The following PPP2R5E variants were observed in gnomAD, a reference collection of about 807,000 sequenced individuals.
PPP2R5E encodes the protein serine/threonine-protein phosphatase 2A 56 kDa regulatory subunit epsilon isoform.
A neutral mutation model predicts 65.3 loss-of-function variants in PPP2R5E; 4 were observed. The observed-to-expected ratio is 0.06, with a 90% CI of 0.03 to 0.14. The LOEUF (loss-of-function observed/expected upper bound fraction) is 0.14, where lower values mean the gene tolerates loss of function less well. Ranked by LOEUF, PPP2R5E falls within the 10% of genes least tolerant of loss-of-function variation. PPP2R5E has a pLI of 1.00. For synonymous variants in PPP2R5E, 183 were observed against 187.4 expected (o/e 0.98, Z 0.19); for missense variants, 274 against 556.1 (o/e 0.49, Z 5.10).
intron 2 of PPP2R5E, among the ~76,000 whole-genome samples, chr14:63,519,704 G>A (rs1892813166): frequency 6.8e-6 from 1 of 147,206 alleles, no homozygotes; most frequent in African/African-American, 2.5e-5. Context: ...CTCTGTTACC[G>A]AGGCTGGAGT....
At chr14:63,392,926 C>T (rs773203107) in intron 8 of PPP2R5E, among the ~76,000 whole-genome samples, 1 of 152,048 alleles carries the variant, frequency 6.6e-6, no homozygotes, top group Non-Finnish European at 1.5e-5. Context: ...ACATGGTGAC[C>T]ATGCAAGGCA....
intron 2 of PPP2R5E, among the ~76,000 whole-genome samples, chr14:63,534,718 CG>C (rs573010003): frequency 6.6e-6 from 1 of 152,178 alleles, no homozygotes; most frequent in South Asian, 2.1e-4. Flanking sequence ...CTCCTGGGCT[CG>C]GGCAATCCTT....
At chr14:63,540,812 C>T (rs1374448026) in intron 1 of PPP2R5E, among the ~76,000 whole-genome samples, 3 of 151,850 alleles carry the variant, frequency 2.0e-5, no homozygotes, top group Admixed American at 6.6e-5. Context: ...TTAAGTATCA[C>T]GGAAACAATA....
intron 5 of PPP2R5E, among the ~76,000 whole-genome samples, chr14:63,414,494 G>C: frequency 6.6e-6 from 1 of 152,232 alleles, no homozygotes; most frequent in South Asian, 2.1e-4. Context: ...AACAACAGGA[G>C]CAAGGAAGTG....
In PPP2R5E at chr14:63,373,879, G is replaced by C. The variant is rs1883828778; in HGVS notation, c.*2130C>G. On this transcript the variant is annotated 3_prime_UTR_variant, in exon 14 of 14. Transcript: ENST00000337537. ...GAAACTAAAGGGCTAAAATGACAAG[G>C]GCTAAAAAGGAGAAGATTTGTTACA... 1 of 151,136 alleles carries C rather than the reference G, an allele frequency of 6.6e-6. No homozygotes were observed. Among genetic ancestry groups the C allele is most frequent in the Non-Finnish European group, 1.5e-5 (1 of 67,774 alleles). 9.4% of individuals were successfully genotyped at this position (151,136 alleles called of 1,614,324 possible).
At chr14:63,385,721 G>C (rs1238863910) in intron 11 of PPP2R5E, among the ~76,000 whole-genome samples, 1 of 152,126 alleles carries the variant, frequency 6.6e-6, no homozygotes, top group African/African-American at 2.4e-5. Flanking sequence ...TGAGGACACA[G>C]AGACTCAGGG....
chr14:63,524,355 G>A (rs761232866), intron 2 of PPP2R5E, among the ~76,000 whole-genome samples: 106 of 152,280 alleles, frequency 7.0e-4, no homozygotes, highest in Non-Finnish European at 1.2e-3. Context: ...AGAGAGATGA[G>A]GGAACGCATA....
chr14:63,536,334 C>A (rs1893666690), intron 2 of PPP2R5E, among the ~76,000 whole-genome samples: 1 of 152,090 alleles, frequency 6.6e-6, no homozygotes, highest in African/African-American at 2.4e-5. Flanking sequence ...ACTGAAATAC[C>A]ACTTCATACC....
chr14:63,457,577 T>G (rs1889190959), intron 2 of PPP2R5E, among the ~76,000 whole-genome samples: 3 of 152,112 alleles, frequency 2.0e-5, no homozygotes, highest in Non-Finnish European at 4.4e-5. Flanking sequence ...CATCTTAGAA[T>G]CCCAAAGCAG....
intron 2 of PPP2R5E, among the ~76,000 whole-genome samples, chr14:63,514,503 A>AC (rs1350193416): frequency 2.0e-4 from 30 of 152,042 alleles, no homozygotes; most frequent in Non-Finnish European, 3.1e-4. Flanking sequence ...TCTTCATTAA[A>AC]AAAAAAAGAG....
chr14:63,474,673 CAAAAAAAAAAAA>C (rs1157357885), intron 2 of PPP2R5E, among the ~76,000 whole-genome samples: 7 of 27,730 alleles, frequency 2.5e-4, no homozygotes, highest in Admixed American at 7.1e-4. Context: ...TACCCCATCT[CAAAAAAAAAAAA>C]AAAAAAAAAA....
At chr14:63,531,432 C>T (rs185337817) in intron 2 of PPP2R5E, among the ~76,000 whole-genome samples, 1 of 151,384 alleles carries the variant, frequency 6.6e-6, no homozygotes, top group Non-Finnish European at 1.5e-5. Flanking sequence ...CAAACCTGCA[C>T]GTTGTGCACA....
At chr14:63,516,283 G>A (rs1892668722) in intron 2 of PPP2R5E, among the ~76,000 whole-genome samples, 2 of 152,112 alleles carry the variant, frequency 1.3e-5, no homozygotes, top group Admixed American at 6.6e-5. Flanking sequence ...AGAAATGAGT[G>A]TTTTGGACAC....
At chr14:63,384,242 G>A (rs944004492) in intron 12 of PPP2R5E, among the ~76,000 whole-genome samples, 1 of 152,154 alleles carries the variant, frequency 6.6e-6, no homozygotes, top group African/African-American at 2.4e-5. Context: ...CAAGAAGCCT[G>A]TCTAGTAAAC....
chr14:63,453,436 C>A, intron 3 of PPP2R5E: 1 of 276,254 alleles, frequency 3.6e-6, no homozygotes, highest in Non-Finnish European at 6.7e-6. Flanking sequence ...CAGTAATACC[C>A]TGGCAATCTT....
At chr14:63,416,592 G>A (rs749847096) in intron 4 of PPP2R5E, among the ~76,000 whole-genome samples, 2 of 150,960 alleles carry the variant, frequency 1.3e-5, no homozygotes, top group Non-Finnish European at 2.9e-5. Flanking sequence ...TTGTTTATAT[G>A]AGATATATAT....
chr14:63,519,507 A>ATTTTTTTTTTTT (rs557285871), intron 2 of PPP2R5E, among the ~76,000 whole-genome samples: 2 of 124,310 alleles, frequency 1.6e-5, no homozygotes, highest in African/African-American at 3.3e-5. Flanking sequence ...TGCCCAGCTA[A>ATTTTTTTTTTTT]TTTTTTTTTT....
At chr14:63,477,050 A>G (rs780178267) in intron 2 of PPP2R5E, among the ~76,000 whole-genome samples, 14 of 152,128 alleles carry the variant, frequency 9.2e-5, no homozygotes, top group African/African-American at 1.2e-4. Context: ...CCATTTAATT[A>G]GTGGGCTGTT....
intron 4 of PPP2R5E, among the ~76,000 whole-genome samples, chr14:63,420,487 C>T (rs1243858163): frequency 6.6e-6 from 1 of 152,058 alleles, no homozygotes; most frequent in Admixed American, 6.6e-5. Flanking sequence ...AATCAATTAC[C>T]GTGTTTTAAC....
Sources: allele counts gnomAD v4.1 joint callset (sites outside exome capture counted in the v4.1 genomes callset), GRCh38; gene constraint gnomAD v4.1.1; transcripts MANE v1.5; gene names NCBI Gene and HGNC (gene_info 2026-07-23, HGNC 2026-07-21).